The following RNF149 variants were observed in gnomAD, a reference collection of about 807,000 sequenced individuals.
The protein encoded by RNF149 is E3 ubiquitin-protein ligase RNF149.
A neutral mutation model predicts 39.0 loss-of-function variants in RNF149; 21 were observed. The ratio of observed to expected loss-of-function variants is 0.54; its 90% CI spans 0.38 to 0.77. The LOEUF (loss-of-function observed/expected upper bound fraction) is 0.77. Among genes scored for constraint, RNF149 ranks in the 30% least tolerant of loss-of-function variants. RNF149 has a pLI of 0.00. For missense variants in RNF149, 493 were observed against 534.9 expected (o/e 0.92, Z 0.77); for synonymous variants, 209 against 213.6 (o/e 0.98, Z 0.19).
At chr2:101,298,901 G>C (rs953916663) in intron 1 of RNF149, among the ~76,000 whole-genome samples, 2 of 152,182 alleles carry the variant, frequency 1.3e-5, no homozygotes, top group African/African-American at 4.8e-5. Context: ...TATAATCCCA[G>C]CACTTTGTGA....
At chr2:101,273,476 C>CTTTTTT (rs937334137), downstream of RNF149, 2 of 291,758 alleles carry the variant, frequency 6.9e-6, no homozygotes, top group African/African-American at 2.4e-5. Context: ...ATATTTGTTT[C>CTTTTTT]TTTTTTTTTT....
At chr2:101,301,160 C>T (rs1303112125) in intron 1 of RNF149, among the ~76,000 whole-genome samples, 1 of 152,064 alleles carries the variant, frequency 6.6e-6, no homozygotes. Context: ...AAAAATGTCA[C>T]CTTGCACAAT....
At chr2:101,275,239 TC>T (rs1682292616), downstream of RNF149, among the ~76,000 whole-genome samples, 1 of 143,730 alleles carries the variant, frequency 7.0e-6, no homozygotes, top group Non-Finnish European at 1.5e-5. Context: ...TGCCTCAGCC[TC>T]CTGAGTAGCT....
intron 1 of RNF149, among the ~76,000 whole-genome samples, chr2:101,303,067 C>A (rs1313410897): frequency 6.6e-6 from 1 of 151,884 alleles, no homozygotes; most frequent in Middle Eastern, 3.2e-3. Context: ...CTAATCCCAC[C>A]CTCTGTGAGG....
chr2:101,307,697 C>A, intron 1 of RNF149: 1 of 354,654 alleles, frequency 2.8e-6, no homozygotes, highest in Non-Finnish European at 3.9e-6. Context: ...AGAGTGCCAA[C>A]GAGCCATCAC....
At chr2:101,275,350 C>G (rs2104380345), downstream of RNF149, among the ~76,000 whole-genome samples, 2 of 147,262 alleles carry the variant, frequency 1.4e-5, no homozygotes, top group South Asian at 4.4e-4. Context: ...ATCTCCTGAT[C>G]TTGTGATCTG....
At chr2:101,294,127 A>C in intron 2 of RNF149, 45 bp from the exon 3 acceptor site, 1 of 1,060,706 alleles carries the variant, frequency 9.4e-7, no homozygotes, top group Non-Finnish European at 1.4e-6. Flanking sequence ...AATTTAAATT[A>C]AATCACTATT....
intron 6 of RNF149, 168 bp downstream of exon 6, chr2:101,281,691 G>T: frequency 1.4e-6 from 1 of 690,786 alleles, no homozygotes; most frequent in Non-Finnish European, 2.4e-6. Context: ...TGTAGAGATG[G>T]GGTCTCACTA....
chr2:101,282,021 C>T lies in RNF149; in HGVS notation c.997G>A (p.Glu333Lys). 1 of 1,614,066 alleles carries T rather than the reference C, an allele frequency of 6.2e-7. No individual in the cohort carries two copies. The highest frequency in any genetic ancestry group is 8.5e-7 in the Non-Finnish European group (1 of 1,180,016). The change falls in exon 6 of 7, where the codon GAA becomes AAA. Residue 333 changes from glutamate to lysine, a missense_variant. By Grantham distance (56) the Glu-to-Lys change is moderately conservative. Transcript: ENST00000295317. ...PGDVQEMPAP[E>K]SPPGRDPAAN... is the part of the protein sequence containing the mutation. ...GCTGGATCCCTTCCAGGAGGAGATT[C>T]TGGAGCAGGCATCTCCTGTACATCC...
At chr2:101,277,832 G>A (rs960920645) in intron 6 of RNF149, among the ~76,000 whole-genome samples, 1 of 152,184 alleles carries the variant, frequency 6.6e-6, no homozygotes, top group Non-Finnish European at 1.5e-5. Flanking sequence ...CAGCAGATCA[G>A]TCTTTAAAGA....
chr2:101,295,300 TG>T lies in RNF149; in HGVS notation c.461-120del. 4 of 860,846 alleles carry T rather than the reference TG, an allele frequency of 4.6e-6. No individual in the cohort carries two copies. The South Asian group carries it at 7.5e-5, about 16-fold the overall frequency. The allele number at this position is 860,846 out of a possible 1,614,324, so 53.3% of individuals were successfully genotyped here. ...ATATAAATACATTAGAAAAATTCCA[TG>T]GGAAACATAAGTTACCAAACCTGGT... On this transcript the variant is annotated intron_variant, in intron 1 of 6. Coordinates refer to ENST00000295317, the MANE Select transcript of RNF149 (RefSeq NM_173647.4).
rs1257311093 is a variant in RNF149, at chr2:101,308,674, C to G, written c.-86G>C. 8.0e-7 allele frequency: 1 copy of G among 1,254,190 alleles called. No individual in the cohort carries two copies. The highest frequency in any genetic ancestry group is 2.8e-5 in the East Asian group (1 of 35,164). The allele number at this position is 1,254,190 out of a possible 1,614,324, so 77.7% of individuals were successfully genotyped here. A position where few individuals can be genotyped will look rare whatever the true frequency, so the allele number is the denominator to read the frequency against. ...AGAGCAGAGAGAAGCGGACACCCAC[C>G]GCCGCCCTGGAAGACTGAGGCGGGG... On this transcript the variant is annotated 5_prime_UTR_variant, in exon 1 of 7. Coordinates refer to ENST00000295317, the MANE Select transcript of RNF149 (RefSeq NM_173647.4).
chr2:101,297,999 AG>A (rs557514193), intron 1 of RNF149, among the ~76,000 whole-genome samples: 232 of 152,330 alleles, frequency 1.5e-3, no homozygotes, highest in Non-Finnish European at 2.8e-3. Flanking sequence ...CTGCTGGACA[AG>A]GGGGTGAATA....
chr2:101,292,250 G>A (rs1475068782), intron 3 of RNF149, among the ~76,000 whole-genome samples: 1 of 151,994 alleles, frequency 6.6e-6, no homozygotes, highest in Non-Finnish European at 1.5e-5. Context: ...ATACCTCATG[G>A]GTCATTTAGA....
rs1682326523 is a variant in RNF149, at chr2:101,275,797, T to C, written c.*1441A>G. 2 of 978,764 alleles carry C rather than the reference T, an allele frequency of 2.0e-6. No homozygotes were observed. The highest frequency in any genetic ancestry group is 1.2e-4 in the Admixed American group (2 of 16,256). The allele number at this position is 978,764 out of a possible 1,614,324, so 60.6% of individuals were successfully genotyped here. A position where few individuals can be genotyped will look rare whatever the true frequency, so the allele number is the denominator to read the frequency against. On this transcript the variant is annotated 3_prime_UTR_variant, in exon 7 of 7. Coordinates refer to ENST00000295317, the MANE Select transcript of RNF149 (RefSeq NM_173647.4). ...CAATCTACTTGCTACAGAATCAGGA[T>C]GTATTTTCCTATTTATAATAAACTA...
In RNF149 at chr2:101,286,106, T is replaced by C. The variant is rs1682782847; in HGVS notation, c.935A>G (p.Asp312Gly). ...DHRTCPMCKLDVIKALGYWGE... is the reference protein window; with the variant it reads ...DHRTCPMCKLGVIKALGYWGE... ...CCAATATCCTAGGGCTTTGATGACA[T>C]CAAGTTTACACATTGGACATGTTCG... The change falls in exon 5 of 7, where the codon GAT (aspartate) becomes GGT (glycine). Residue 312 changes from aspartate to glycine, a missense_variant. Transcript: ENST00000295317. 1 of 1,610,954 alleles carries C rather than the reference T, an allele frequency of 6.2e-7. No individual in the cohort carries two copies. The highest frequency in any genetic ancestry group is 8.5e-7 in the Non-Finnish European group (1 of 1,177,242).
rs537964297 is a variant in RNF149, at chr2:101,282,159, C to CA, written c.961-103_961-102insT. 6,264 of 1,488,816 alleles carry CA rather than the reference C, an allele frequency of 4.2e-3. 131 individuals carry two copies. The highest frequency in any genetic ancestry group is 0.039 in the South Asian group (2,924 of 75,136). The allele number at this position is 1,488,816 out of a possible 1,614,324, so 92.2% of individuals were successfully genotyped here. A position where few individuals can be genotyped will look rare whatever the true frequency, so the allele number is the denominator to read the frequency against. ...AATTCACACACAATATTACGTACTT[C>CA]TGTACAATGAATCTGGCAAAAAGCA... On this transcript the variant is annotated intron_variant, in intron 5 of 6. Coordinates refer to ENST00000295317, the MANE Select transcript of RNF149 (RefSeq NM_173647.4).
At position 101,288,992 on chromosome 2, in the gene RNF149, T is replaced by A; in HGVS notation, c.844A>T (p.Ile282Phe). 6.4e-7 allele frequency: 1 copy of A among 1,562,850 alleles called. No homozygotes were observed. Among genetic ancestry groups the A allele is most frequent in the Non-Finnish European group, 8.8e-7 (1 of 1,135,322 alleles). ...ACATACTTGCATGGCAGAATTCTAA[T>A]AATATCCTTTACTTTGAAATTTTCA... ...CIENFKVKDI[I>F]RILPCKHIFH... Residue 282 changes from isoleucine to phenylalanine, a missense_variant, in exon 4 of 7, where the codon ATT becomes TTT. Physicochemically the swap from Ile to Phe is conservative, Grantham distance 21. Coordinates refer to ENST00000295317, the MANE Select transcript of RNF149 (RefSeq NM_173647.4).
chr2:101,302,827 A>C (rs1683505613), intron 1 of RNF149, among the ~76,000 whole-genome samples: 1 of 152,104 alleles, frequency 6.6e-6, no homozygotes, highest in Non-Finnish European at 1.5e-5. Flanking sequence ...AAACATTTAA[A>C]AAATTAGCCA....
Sources: gnomAD v4.1 joint callset for allele counts (sites outside exome capture counted in the v4.1 genomes callset) on GRCh38, gnomAD v4.1.1 for gene constraint, MANE v1.5 for transcripts, NCBI Gene and HGNC (gene_info 2026-07-23, HGNC 2026-07-21) for gene names.